ATRX: variants seen among roughly 807,000 people sequenced by gnomAD.
ATRX encodes ATRX chromatin remodeler, also known as chromatin remodeler ATRX.
A neutral mutation model predicts 172.6 loss-of-function variants in ATRX; 12 were observed. The observed-to-expected ratio is 0.07, with a 90% CI of 0.04 to 0.11. The LOEUF is 0.11. ATRX is among the 10% of genes least tolerant of loss of function. ATRX has a pLI of 1.00. For missense variants in ATRX, 1,368 were observed against 1,767.4 expected (o/e 0.77, Z 4.05); for synonymous variants, 674 against 594.7 (o/e 1.13, Z -1.94).
rs200343648 is a variant in ATRX at position 77,682,606 on chromosome X, C to T, written c.2650G>A (p.Glu884Lys). ...TCTGCTGAAGAGAAAGTCTCTCTCTCTTGTTTTCTTTCAGCATCATCAGAT... is the reference window on the plus strand; with the variant it reads ...TCTGCTGAAGAGAAAGTCTCTCTCTTTTGTTTTCTTTCAGCATCATCAGAT... Reference protein sequence around the residue: ...GSSDDAERKQERETFSSAEGT... With the variant: ...GSSDDAERKQKRETFSSAEGT... The change falls in exon 9 of 35, where the codon GAG (glutamate) becomes AAG (lysine). Residue 884 changes from glutamate to lysine, a missense_variant. By Grantham distance (56) the Glu-to-Lys change is moderately conservative (BLOSUM62 1). Coordinates refer to ENST00000373344, the MANE Select transcript of ATRX (RefSeq NM_000489.6). The T allele has an allele frequency of 1.9e-4, 225 of 1,208,675 alleles. No homozygotes were observed. Among genetic ancestry groups the T allele is most frequent in the Admixed American group, 7.4e-4 (34 of 45,695 alleles).
chrX:77,716,127 TTTTTTTTTTTTTTTTTTTGA>T (rs1448561308), intron 2 of ATRX, among the ~76,000 whole-genome samples: 1 of 79,524 alleles, frequency 1.3e-5, no homozygotes, highest in Non-Finnish European at 2.2e-5. Context: ...TTTTTTTTTT[TTTTTTTTTTTTTTTTTTTGA>T]AATTAACCAG....
chrX:77,546,832 C>T (rs1050343613), intron 30 of ATRX, among the ~76,000 whole-genome samples: 3 of 112,231 alleles, frequency 2.7e-5, no homozygotes, highest in East Asian at 2.8e-4. Context: ...CCAAGAAGTA[C>T]ACACAAGGAA....
At chrX:77,579,861 T>G (rs1445164293) in intron 27 of ATRX, among the ~76,000 whole-genome samples, 1 of 112,138 alleles carries the variant, frequency 8.9e-6, no homozygotes, top group Non-Finnish European at 1.9e-5. Context: ...TATGTGACCT[T>G]TCAGAGAGAG....
intron 10 of ATRX, among the ~76,000 whole-genome samples, chrX:77,673,036 T>C (rs2070703972): frequency 9.0e-6 from 1 of 111,678 alleles, no homozygotes; most frequent in South Asian, 3.7e-4. Context: ...CCTAGTTTAA[T>C]GATCCTCAAA....
At chrX:77,571,206 T>C (rs1360289772) in intron 28 of ATRX, among the ~76,000 whole-genome samples, 2 of 111,808 alleles carry the variant, frequency 1.8e-5, no homozygotes, top group Non-Finnish European at 3.8e-5. Context: ...TACCTGGGCA[T>C]TTATCCTAGA....
At position 77,786,146 on chromosome X, in the gene ATRX, A is replaced by C; in HGVS notation, c.-145T>G. On this transcript the variant is annotated 5_prime_UTR_variant, in exon 1 of 35. Coordinates refer to ENST00000373344, the MANE Select transcript of ATRX (RefSeq NM_000489.6). ...ACCTCCCCACAGCTCAAAGGCCGCTACCACTGCCACCGCCGCAGGAGCCGC... is the reference window on the plus strand; with the variant it reads ...ACCTCCCCACAGCTCAAAGGCCGCTCCCACTGCCACCGCCGCAGGAGCCGC... 1.6e-6 allele frequency: 1 copy of C among 637,467 alleles called. No individual in the cohort carries two copies. The highest frequency in any genetic ancestry group is 4.0e-5 in the East Asian group (1 of 24,977). 52.5% of individuals were successfully genotyped at this position (637,467 alleles called of 1,213,427 possible).
At chrX:77,600,915 T>G (rs1008663678) in intron 22 of ATRX, among the ~76,000 whole-genome samples, 47 of 111,903 alleles carry the variant, frequency 4.2e-4, no homozygotes, top group Non-Finnish European at 5.5e-4. Flanking sequence ...TAAAAATATT[T>G]CTGATTTCTA....
At chrX:77,775,024 G>A (rs1203038775) in intron 1 of ATRX, among the ~76,000 whole-genome samples, 1 of 111,156 alleles carries the variant, frequency 9.0e-6, no homozygotes, top group African/African-American at 3.3e-5. Context: ...GTGGGAGGCC[G>A]CACTCAGCCT....
At position 77,698,568 on chromosome X, in the gene ATRX, C is replaced by G; in HGVS notation, c.189+6G>C. The G allele has an allele frequency of 1.7e-6, 2 of 1,200,064 alleles. No homozygotes were observed. The highest frequency in any genetic ancestry group is 1.1e-6 in the Non-Finnish European group (1 of 885,254). ...CTAACAAATATCTCTAAATAATTAT[C>G]CTTACCTCTTCCTTGCTGTTTTCCA... On this transcript the variant is annotated splice_donor_region_variant and intron_variant, in intron 3 of 34. Coordinates refer to ENST00000373344, the MANE Select transcript of ATRX (RefSeq NM_000489.6).
chrX:77,766,601 G>A (rs1200432532), intron 1 of ATRX, among the ~76,000 whole-genome samples: 1 of 105,586 alleles, frequency 9.5e-6, no homozygotes, highest in Non-Finnish European at 2.0e-5. Context: ...GGGCAGAGGC[G>A]CTCCCCACAT....
chrX:77,781,669 G>A (rs1204296027), intron 1 of ATRX, among the ~76,000 whole-genome samples: 1 of 111,135 alleles, frequency 9.0e-6, no homozygotes, highest in African/African-American at 3.3e-5. Context: ...CATAAGACAA[G>A]CATTAGGATA....
chrX:77,700,749 AACAAATGCAGATT>A (rs1181767968), intron 2 of ATRX, among the ~76,000 whole-genome samples: 1 of 112,320 alleles, frequency 8.9e-6, no homozygotes, highest in African/African-American at 3.2e-5. Flanking sequence ...ACATGGAGGA[AACAAATGCAGATT>A]ACTATGTGAA....
Position 77,682,392 on chromosome X carries a change from T to G in ATRX, c.2864A>C (p.Lys955Thr), listed in dbSNP as rs781927008. Residue 955 changes from lysine (K) to threonine (T), a missense_variant, in exon 9 of 35, where the codon AAA becomes ACA. Transcript: ENST00000373344. ...ATCAGATAAGCCATCCTGTACTTTT[T>G]TACATGTTTTGGTTTTGAGATGCTT... ...KSKHLKTKTC[K>T]KVQDGLSDIA... 3.3e-6 allele frequency: 4 copies of G among 1,211,798 alleles called. No homozygotes were observed. The highest frequency in any genetic ancestry group is 4.5e-6 in the Non-Finnish European group (4 of 895,452).
At chrX:77,668,340 G>C (rs2070368976) in intron 10 of ATRX, among the ~76,000 whole-genome samples, 1 of 111,552 alleles carries the variant, frequency 9.0e-6, no homozygotes, top group African/African-American at 3.3e-5. Context: ...GGCCTCGGCT[G>C]GACCCATGCT....
At chrX:77,577,669 C>A (rs975703323) in intron 27 of ATRX, among the ~76,000 whole-genome samples, 2 of 111,341 alleles carry the variant, frequency 1.8e-5, no homozygotes, top group Admixed American at 9.6e-5. Context: ...GGCTTCAATG[C>A]TGAATTCTAA....
rs1453439285 is a variant in ATRX, at chrX:77,505,792, CAG to C, written c.*2557_*2558del. 1 of 172,765 alleles carries C rather than the reference CAG, an allele frequency of 5.8e-6. No individual in the cohort carries two copies. The highest frequency in any genetic ancestry group is 1.1e-5 in the Non-Finnish European group (1 of 89,603). 14.2% of individuals were successfully genotyped at this position (172,765 alleles called of 1,213,427 possible). ...AACAGCACTTTGAATGGTGAAAACA[CAG>C]ATAGTATATTGTCATACTTGAATGC... On this transcript the variant is annotated 3_prime_UTR_variant, in exon 35 of 35. Transcript: ENST00000373344.
intron 29 of ATRX, among the ~76,000 whole-genome samples, chrX:77,558,346 AG>A (rs2064878110): frequency 9.1e-6 from 1 of 110,015 alleles, no homozygotes; most frequent in African/African-American, 3.3e-5. Context: ...CAAATAAGCA[AG>A]GATCTACCAA....
chrX:77,708,858 C>T (rs1328329771), intron 2 of ATRX, among the ~76,000 whole-genome samples: 1 of 111,396 alleles, frequency 9.0e-6, no homozygotes, highest in African/African-American at 3.3e-5. Context: ...GAATTTTATA[C>T]TTTAAATGGG....
intron 21 of ATRX, among the ~76,000 whole-genome samples, chrX:77,618,482 T>C (rs782542063): frequency 2.7e-5 from 3 of 111,938 alleles, no homozygotes; most frequent in South Asian, 7.5e-4. Context: ...AGGGTGAGCA[T>C]AGGAACTTCA....
Sources: allele counts gnomAD v4.1 joint callset (sites outside exome capture counted in the v4.1 genomes callset), GRCh38; gene constraint gnomAD v4.1.1; transcripts MANE v1.5; gene names NCBI Gene and HGNC (gene_info 2026-07-23, HGNC 2026-07-21).